SCHIP1: variants seen among roughly 807,000 people sequenced by gnomAD.
The protein encoded by SCHIP1 is schwannomin interacting protein 1.
SCHIP1 carries 8 observed loss-of-function variants against 29.7 expected under a neutral mutation model. The observed-to-expected ratio is 0.27, with a 90% CI of 0.16 to 0.49. The LOEUF is 0.49. Ranked by LOEUF, SCHIP1 falls within the 20% of genes least tolerant of loss-of-function variation. The pLI, the probability that SCHIP1 is intolerant of heterozygous loss-of-function variation, is 0.99. For missense variants in SCHIP1, 193 were observed against 294.6 expected (o/e 0.66, Z 2.52); for synonymous variants, 76 against 94.9 (o/e 0.80, Z 1.16).
the SCHIP1 span, among the ~76,000 whole-genome samples, chr3:159,751,549 CTT>C: frequency 6.9e-6 from 1 of 145,688 alleles, no homozygotes; most frequent in Admixed American, 6.8e-5. Context: ...ACAATTATTT[CTT>C]TTTTTTTTTT....
the SCHIP1 span, among the ~76,000 whole-genome samples, chr3:159,580,582 T>G: frequency 6.6e-6 from 1 of 152,142 alleles, no homozygotes; most frequent in Non-Finnish European, 1.5e-5. Context: ...TTCCCACAAA[T>G]GGTAGCAAAT....
chr3:159,736,556 C>T, the SCHIP1 span, among the ~76,000 whole-genome samples: 1 of 152,066 alleles, frequency 6.6e-6, no homozygotes, highest in East Asian at 1.9e-4. Flanking sequence ...GCTGGGGAAG[C>T]TTGAACAAGT....
the SCHIP1 span, among the ~76,000 whole-genome samples, chr3:159,780,423 T>C: frequency 6.6e-6 from 1 of 152,202 alleles, no homozygotes; most frequent in Non-Finnish European, 1.5e-5. Flanking sequence ...GGCAGTCTCT[T>C]GACTTAGGAC....
chr3:159,288,357 A>G, the SCHIP1 span, among the ~76,000 whole-genome samples: 1,231 of 152,376 alleles, frequency 8.1e-3, 16 homozygotes, highest in African/African-American at 0.028. Flanking sequence ...CTCCATTAGC[A>G]TACCTACGAA....
At chr3:159,487,835 C>A in the SCHIP1 span, among the ~76,000 whole-genome samples, 11 of 152,170 alleles carry the variant, frequency 7.2e-5, no homozygotes, top group Non-Finnish European at 1.5e-4. Flanking sequence ...TCCCTTCAAC[C>A]CAGTGGCTAA....
At chr3:159,621,531 T>C in the SCHIP1 span, among the ~76,000 whole-genome samples, 10 of 152,320 alleles carry the variant, frequency 6.6e-5, no homozygotes, top group African/African-American at 2.4e-4. Context: ...AGTGAAACCA[T>C]TGTGTTCCCC....
chr3:159,410,061 T>C, the SCHIP1 span, among the ~76,000 whole-genome samples: 1 of 152,004 alleles, frequency 6.6e-6, no homozygotes, highest in African/African-American at 2.4e-5. Context: ...CTGGGAAAAA[T>C]GGATATCCAT....
At chr3:159,810,344 C>T in the SCHIP1 span, among the ~76,000 whole-genome samples, 1 of 152,218 alleles carries the variant, frequency 6.6e-6, no homozygotes, top group Non-Finnish European at 1.5e-5. Context: ...CACGCCCGGC[C>T]TCAAATTCAC....
chr3:159,726,835 T>C, the SCHIP1 span, among the ~76,000 whole-genome samples: 1 of 152,058 alleles, frequency 6.6e-6, no homozygotes, highest in South Asian at 2.1e-4. Context: ...AACTAGGGAG[T>C]TTCCAAAATT....
chr3:159,469,370 C>G, the SCHIP1 span, among the ~76,000 whole-genome samples: 4 of 152,078 alleles, frequency 2.6e-5, no homozygotes, highest in Non-Finnish European at 4.4e-5. Context: ...GGGCTTCATC[C>G]TAATTTAAGC....
At chr3:159,427,486 C>T in the SCHIP1 span, among the ~76,000 whole-genome samples, 1 of 152,164 alleles carries the variant, frequency 6.6e-6, no homozygotes, top group African/African-American at 2.4e-5. Context: ...ATCCAACTTA[C>T]AAGGGATGTG....
chr3:159,362,569 C>G, the SCHIP1 span, among the ~76,000 whole-genome samples: 1 of 152,090 alleles, frequency 6.6e-6, no homozygotes, highest in Non-Finnish European at 1.5e-5. Flanking sequence ...CCTCATTGTT[C>G]AGTTGGGCAT....
the SCHIP1 span, among the ~76,000 whole-genome samples, chr3:159,656,724 G>A: frequency 6.6e-6 from 1 of 152,286 alleles, no homozygotes; most frequent in Non-Finnish European, 1.5e-5. Flanking sequence ...TTCTGTAAAT[G>A]TTGGTTCCAG....
the SCHIP1 span, among the ~76,000 whole-genome samples, chr3:159,437,871 C>T: frequency 6.6e-6 from 1 of 152,096 alleles, no homozygotes; most frequent in African/African-American, 2.4e-5. Context: ...ATAGCATAGG[C>T]ATCAAGAACA....
the SCHIP1 span, among the ~76,000 whole-genome samples, chr3:159,486,357 T>C: frequency 6.6e-6 from 1 of 152,216 alleles, no homozygotes; most frequent in Non-Finnish European, 1.5e-5. Context: ...TTCTATGAAT[T>C]CAAGGTTTTT....
chr3:159,312,540 A>G, the SCHIP1 span, among the ~76,000 whole-genome samples: 1 of 152,152 alleles, frequency 6.6e-6, no homozygotes, highest in Non-Finnish European at 1.5e-5. Flanking sequence ...ATCTAACTGC[A>G]AGGGGAACTG....
At chr3:159,728,903 A>C in the SCHIP1 span, among the ~76,000 whole-genome samples, 3 of 152,202 alleles carry the variant, frequency 2.0e-5, no homozygotes, top group African/African-American at 7.2e-5. Flanking sequence ...TAATACCACC[A>C]CTTTGGGAGG....
exon 1 of SCHIP1, chr3:159,840,015 G>C: frequency 6.9e-7 from 1 of 1,445,454 alleles, no homozygotes; most frequent in Non-Finnish European, 9.0e-7. Flanking sequence ...TCCCGGCACA[G>C]GCAGTGCCAC....
At chr3:159,342,745 G>A in the SCHIP1 span, among the ~76,000 whole-genome samples, 2 of 152,118 alleles carry the variant, frequency 1.3e-5, no homozygotes, top group African/African-American at 2.4e-5. Context: ...ATTTTAGAAT[G>A]CTTCACATGG....
Sources: gnomAD v4.1 joint callset for allele counts (sites outside exome capture counted in the v4.1 genomes callset) on GRCh38, gnomAD v4.1.1 for gene constraint, MANE v1.5 for transcripts, NCBI Gene and HGNC (gene_info 2026-07-23, HGNC 2026-07-21) for gene names.